Variants in RNF213 observed in about 807,000 individuals in gnomAD.
The protein encoded by RNF213 is E3 ubiquitin-protein ligase RNF213.
A neutral mutation model predicts 514.4 loss-of-function variants in RNF213; 341 were observed. That is an observed-to-expected ratio of 0.66 (90% CI 0.61 to 0.73). The LOEUF (loss-of-function observed/expected upper bound fraction) is 0.73. Ranked by LOEUF, RNF213 falls within the 30% of genes least tolerant of loss-of-function variation. The pLI is 0.00. For synonymous variants in RNF213, 2,655 were observed against 2,658.2 expected, an observed-to-expected ratio of 1.00 and a Z score of 0.04; for missense variants, 5,767 against 6,615.6, an observed-to-expected ratio of 0.87 and a Z score of 4.45.
Position 80,377,024 on chromosome 17 carries a change from T to A in RNF213, c.13510+61T>A. On this transcript the variant is annotated intron_variant, in intron 53 of 67. Coordinates refer to ENST00000582970, the MANE Select transcript of RNF213 (RefSeq NM_001256071.3). This position sits in a 1 kb window ranked among gnomAD's most constrained non-coding sequence, Gnocchi z 4.1. ...TGAGCTTCAAAGGGTGTCCAGATGC[T>A]ATGAAGCATTGGGTTCGACTTGGGG... 1.5e-6 allele frequency: 2 copies of A among 1,337,198 alleles called. No individual in the cohort carries two copies. The highest frequency in any genetic ancestry group is 2.1e-6 in the Non-Finnish European group (2 of 936,624). The allele number at this position is 1,337,198 out of a possible 1,614,324, so 82.8% of individuals were successfully genotyped here.
intron 50 of RNF213, chr17:80,374,795 C>T (rs2079679251): frequency 1.7e-6 from 1 of 588,334 alleles, no homozygotes; most frequent in Non-Finnish European, 3.1e-6. Context: ...ACAGCTATGA[C>T]AGTTGAGCTG....
At chr17:80,388,946 T>A in intron 64 of RNF213, 1 of 622,308 alleles carries the variant, frequency 1.6e-6, no homozygotes, top group Non-Finnish European at 2.9e-6. Flanking sequence ...GGGAAGTCCA[T>A]GGAACCGATT....
intron 58 of RNF213, 42 bp from the exon 59 acceptor site, chr17:80,383,635 T>G: frequency 6.2e-7 from 1 of 1,609,158 alleles, no homozygotes. Flanking sequence ...TTTGTAGCAA[T>G]ACCTCACTTC....
Position 80,334,137 on chromosome 17 carries a change from A to C in RNF213, c.4176A>C (p.Thr1392=). 1 of 1,537,208 alleles carries C rather than the reference A, an allele frequency of 6.5e-7. No individual in the cohort carries two copies. Among genetic ancestry groups the C allele is most frequent in the Non-Finnish European group, 8.7e-7 (1 of 1,146,896 alleles). Reference sequence around the variant, plus strand: ...ACTTCGACGACTTTCGCCGTGAAACACTGGACCAGATCAACCAGGAGCTCA... The same window carrying C: ...ACTTCGACGACTTTCGCCGTGAAACCCTGGACCAGATCAACCAGGAGCTCA... ...TDNFDDFRRE[T]LDQINQELIQ... is the part of the protein sequence containing the mutation. Residue 1392 remains threonine (T), a synonymous_variant, in exon 22 of 68, where the codon ACA becomes ACC. Transcript: ENST00000582970.
chr17:80,275,036 G>A, intron 3 of RNF213, among the ~76,000 whole-genome samples: 1 of 134,794 alleles, frequency 7.4e-6, no homozygotes, highest in Admixed American at 7.4e-5. Flanking sequence ...GGGTGTGTGT[G>A]TGTTGGGGGT....
intron 15 of RNF213, chr17:80,316,234 G>C (rs565166875): frequency 6.6e-6 from 1 of 152,106 alleles, no homozygotes; most frequent in South Asian, 2.1e-4. Context: ...CCCAGGTGAC[G>C]GAGCGAGACC....
At chr17:80,298,811 C>CAAAAA (rs71365598) in intron 11 of RNF213, 1 of 215,832 alleles carries the variant, frequency 4.6e-6, no homozygotes, top group Non-Finnish European at 9.1e-6. Context: ...CGAAAAATAC[C>CAAAAA]AAAAAAAAAA....
At chr17:80,293,813 G>C (rs1424472121) in intron 8 of RNF213, among the ~76,000 whole-genome samples, 2 of 151,868 alleles carry the variant, frequency 1.3e-5, no homozygotes. Context: ...GGCGACAGAG[G>C]GAGACTCAGT....
chr17:80,373,251 C>T, intron 49 of RNF213, 86 bp downstream of exon 49: 1 of 1,061,858 alleles, frequency 9.4e-7, no homozygotes, highest in Non-Finnish European at 1.3e-6. Flanking sequence ...ACCCTCACAC[C>T]CTACCCCCCC....
chr17:80,344,231 A>G (rs1431775030), intron 28 of RNF213, among the ~76,000 whole-genome samples: 1 of 152,232 alleles, frequency 6.6e-6, no homozygotes, highest in Non-Finnish European at 1.5e-5. Flanking sequence ...AGTGTCTTCA[A>G]TATTTCTGTT....
In RNF213 at chr17:80,288,077, A is replaced by G. The variant is rs750824702; in HGVS notation, c.524A>G (p.Gln175Arg). 71 of 1,608,612 alleles carry G rather than the reference A, an allele frequency of 4.4e-5. No homozygotes were observed. The highest frequency in any genetic ancestry group is 2.4e-4 in the South Asian group (22 of 90,854). The change falls in exon 4 of 68, where the codon CAG becomes CGG. Residue 175 changes from glutamine (Q) to arginine (R), a missense_variant. Around this residue, in one of 13 missense-constraint regions of RNF213, gnomAD observed 509 missense variants for 496.7 expected, o/e 1.02. Transcript: ENST00000582970. The surrounding 1 kb of genome is among the most constrained non-coding windows in gnomAD (Gnocchi z 4.9). ...ACCGAGGTTGGCGACAGCCCCCTGC[A>G]GGCCCAGGCTTTGGGAGAGGCAGGA... ...APTEVGDSPLQAQALGEAGVA... is the reference protein window; with the variant it reads ...APTEVGDSPLRAQALGEAGVA...
intron 62 of RNF213, 116 bp downstream of exon 62, chr17:80,386,546 C>T (rs879661610): frequency 7.0e-5 from 98 of 1,407,954 alleles, no homozygotes; most frequent in East Asian, 1.4e-4. Context: ...CTCCTTCAGC[C>T]GCCCCCACCA....
Position 80,295,617 on chromosome 17 carries a change from A to G in RNF213, c.1816A>G (p.Ser606Gly). The G allele has an allele frequency of 6.2e-7, 1 of 1,614,180 alleles. No homozygotes were observed. The highest frequency in any genetic ancestry group is 8.5e-7 in the Non-Finnish European group (1 of 1,180,026). The change falls in exon 10 of 68, where the codon AGC becomes GGC. Residue 606 changes from serine to glycine, a missense_variant. Coordinates refer to ENST00000582970, the MANE Select transcript of RNF213 (RefSeq NM_001256071.3). The stretch of plus-strand genomic sequence containing the variant: ...CGTGGTACCATTGCCGGACGGAAAA[A>G]GCACGGACTTTTTGCCTGTGGACTG... ...KHVVPLPDGK[S>G]TDFLPVDCPV...
chr17:80,315,791 TGGTG>T (rs2045913248), intron 15 of RNF213: 1 of 43,208 alleles, frequency 2.3e-5, no homozygotes. Context: ...GTGGTGGTGG[TGGTG>T]GTGGTGGAGG....
chr17:80,383,267 C>A (rs1248852030), intron 58 of RNF213, among the ~76,000 whole-genome samples, 197 bp downstream of exon 58: 2 of 152,202 alleles, frequency 1.3e-5, no homozygotes, highest in Non-Finnish European at 2.9e-5. Flanking sequence ...CCTCCTACAG[C>A]TGGTCATGAA....
chr17:80,278,440 C>A (rs970018740), intron 3 of RNF213, among the ~76,000 whole-genome samples: 1 of 152,234 alleles, frequency 6.6e-6, no homozygotes, highest in South Asian at 2.1e-4. Flanking sequence ...AGGCCCGGGG[C>A]GCCGGGAGCC....
Position 80,334,688 on chromosome 17 carries a change from G to A in RNF213, c.4309+418G>A, listed in dbSNP as rs536222420. 5.9e-5 allele frequency among the ~76,000 whole-genome samples: 9 copies of A among 151,522 alleles called. No homozygotes were observed. In the South Asian group the frequency reaches 1.5e-3, roughly 25 times the overall value. ...GTCGCCCAGGCTGGAGTGCAGTGGC[G>A]TGATCTTGGCTCACTGCAAGCTCTG... On this transcript the variant is annotated intron_variant, in intron 22 of 67. Coordinates refer to ENST00000582970, the MANE Select transcript of RNF213 (RefSeq NM_001256071.3).
Position 80,264,530 on chromosome 17 carries a change from C to T in RNF213, c.97+752C>T, listed in dbSNP as rs781062686. Among the ~76,000 whole-genome samples, 1 of 152,124 alleles carries T rather than the reference C, an allele frequency of 6.6e-6. No homozygotes were observed. The highest frequency in any genetic ancestry group is 6.6e-5 in the Admixed American group (1 of 15,266). ...AGCAGCCCCCAGACCTTCAGCCTTT[C>T]TGTGTCCAAAGCCCAGCCCCACCTC... On this transcript the variant is annotated intron_variant, in intron 2 of 67. Coordinates refer to ENST00000582970, the MANE Select transcript of RNF213 (RefSeq NM_001256071.3). This position sits in a 1 kb window ranked among gnomAD's most constrained non-coding sequence, Gnocchi z 5.0.
At chr17:80,352,820 G>A in intron 32 of RNF213, 120 bp from the exon 33 acceptor site, 2 of 1,489,868 alleles carry the variant, frequency 1.3e-6, no homozygotes, top group Non-Finnish European at 1.9e-6. Flanking sequence ...GCTTCAGGGT[G>A]CCAGTCATTC....
Sources: gnomAD v4.1 joint callset for allele counts (sites outside exome capture counted in the v4.1 genomes callset) on GRCh38, gnomAD v4.1.1 for gene constraint, gnomAD v4.1.1 regional missense constraint, Gnocchi (gnomAD v3.1) non-coding constraint, MANE v1.5 for transcripts, NCBI Gene and HGNC (gene_info 2026-07-23, HGNC 2026-07-21) for gene names.